PTPRG: variants seen among roughly 807,000 people sequenced by gnomAD.
PTPRG encodes the protein protein tyrosine phosphatase receptor type G, also known as receptor-type tyrosine-protein phosphatase gamma.
Under a neutral mutation model 165.3 loss-of-function variants are expected in PTPRG, and 102 were observed. The observed-to-expected ratio is 0.62, with a 90% confidence interval of 0.53 to 0.73. The LOEUF is 0.73. Ranked by LOEUF, PTPRG falls within the 30% of genes least tolerant of loss-of-function variation. The pLI is 0.00. For missense variants in PTPRG, 1,866 were observed against 1,861.4 expected (o/e 1.00, Z -0.05); for synonymous variants, 675 against 669.5 (o/e 1.01, Z -0.13).
At chr3:61,667,305 A>C (rs947065679) in intron 1 of PTPRG, among the ~76,000 whole-genome samples, 1 of 152,224 alleles carries the variant, frequency 6.6e-6, no homozygotes, top group African/African-American at 2.4e-5. Flanking sequence ...TCTGCTTTTA[A>C]GATGCAAAGG....
chr3:61,907,540 C>T (rs1400842618), intron 2 of PTPRG, among the ~76,000 whole-genome samples: 1 of 152,188 alleles, frequency 6.6e-6, no homozygotes, highest in Non-Finnish European at 1.5e-5. Context: ...GAGCAAAACC[C>T]TGTGCTGAAG....
Position 62,293,786 on chromosome 3 carries a change from T to G in PTPRG, c.*479T>G, listed in dbSNP as rs1702978608. The G allele has an allele frequency of 6.6e-6, 1 of 152,628 alleles. No individual in the cohort carries two copies. Among genetic ancestry groups the G allele is most frequent in the Admixed American group, 6.6e-5 (1 of 15,252 alleles). 9.5% of individuals were successfully genotyped at this position (152,628 alleles called of 1,614,324 possible). On this transcript the variant is annotated 3_prime_UTR_variant, in exon 30 of 30. Coordinates refer to ENST00000474889, the MANE Select transcript of PTPRG (RefSeq NM_002841.4). ...ATACTGTATGCCTTCTGTATTTTAA[T>G]GGAGTGGATAGCATTGTTTTCTTTT...
At chr3:62,120,763 AAAAGATTGGAAGATG>A (rs1287746429) in intron 5 of PTPRG, among the ~76,000 whole-genome samples, 1 of 151,678 alleles carries the variant, frequency 6.6e-6, no homozygotes, top group African/African-American at 2.4e-5. Flanking sequence ...AAAAAAAAGA[AAAAGATTGGAAGATG>A]AAAGATTGGG....
At chr3:61,938,536 C>G (rs931227139) in intron 2 of PTPRG, among the ~76,000 whole-genome samples, 2 of 152,122 alleles carry the variant, frequency 1.3e-5, no homozygotes, top group African/African-American at 2.4e-5. Context: ...GCGTTCAGCC[C>G]TCTATGATGA....
chr3:61,801,306 G>A (rs2035234172), intron 2 of PTPRG, among the ~76,000 whole-genome samples: 1 of 150,788 alleles, frequency 6.6e-6, no homozygotes, highest in Non-Finnish European at 1.5e-5. Flanking sequence ...ATATGTGTGT[G>A]TGTAATTTTT....
chr3:62,095,430 C>T (rs550359262), intron 5 of PTPRG, among the ~76,000 whole-genome samples: 132 of 152,276 alleles, frequency 8.7e-4, no homozygotes, highest in African/African-American at 3.1e-3. Context: ...ACGTACCATC[C>T]TGCGTTCTCA....
At chr3:61,591,261 G>A (rs1291380919) in intron 1 of PTPRG, among the ~76,000 whole-genome samples, 2 of 152,192 alleles carry the variant, frequency 1.3e-5, no homozygotes, top group Admixed American at 6.5e-5. Context: ...CGAGGGTCTT[G>A]GCTAGCCCTC....
intron 2 of PTPRG, among the ~76,000 whole-genome samples, chr3:61,796,738 C>T (rs148983730): frequency 3.3e-5 from 5 of 152,248 alleles, no homozygotes; most frequent in South Asian, 2.1e-4. Context: ...CTACAGAGGT[C>T]GTTTGCCCCT....
chr3:61,928,587 A>T (rs1409409608), intron 2 of PTPRG, among the ~76,000 whole-genome samples: 1 of 152,212 alleles, frequency 6.6e-6, no homozygotes, highest in Non-Finnish European at 1.5e-5. Flanking sequence ...CATTTAAATT[A>T]TAGGATGCTA....
chr3:62,178,440 T>A (rs970131006), intron 8 of PTPRG, among the ~76,000 whole-genome samples: 6 of 152,190 alleles, frequency 3.9e-5, no homozygotes, highest in Non-Finnish European at 8.8e-5. Context: ...TGAAGTAGGA[T>A]GTCATGCCAG....
chr3:61,633,891 C>T (rs1254867162), intron 1 of PTPRG, among the ~76,000 whole-genome samples: 2 of 148,910 alleles, frequency 1.3e-5, no homozygotes, highest in Admixed American at 1.3e-4. Context: ...CCTAGTTTGT[C>T]GAGTGGTTTT....
At chr3:62,020,307 C>G (rs1417223331) in intron 4 of PTPRG, among the ~76,000 whole-genome samples, 1 of 152,098 alleles carries the variant, frequency 6.6e-6, no homozygotes, top group African/African-American at 2.4e-5. Context: ...AATTAACACA[C>G]TTTACTTTAA....
rs138675370 is a variant in PTPRG at position 61,779,603 on chromosome 3, C to T, written c.190+30621C>T. ...AGGCATTTTAGGTAGGCATGTTCCA[C>T]CTCAGAGGGTAGATATCCTACCAAA... is the stretch of plus-strand genomic sequence containing the variant. On this transcript the variant is annotated intron_variant, in intron 2 of 29. Coordinates refer to ENST00000474889, the MANE Select transcript of PTPRG (RefSeq NM_002841.4). Among the ~76,000 whole-genome samples the T allele has an allele frequency of 2.6e-3, 397 of 152,248 alleles. 1 individual carries two copies. The highest frequency in any genetic ancestry group is 9.2e-3 in the African/African-American group (380 of 41,528).
At chr3:61,585,280 CAAAAAAA>C (rs3039784) in intron 1 of PTPRG, among the ~76,000 whole-genome samples, 8 of 81,346 alleles carry the variant, frequency 9.8e-5, no homozygotes, top group East Asian at 3.6e-4. Flanking sequence ...GACCCTGTCT[CAAAAAAA>C]AAAAAAAAAA....
intron 2 of PTPRG, among the ~76,000 whole-genome samples, chr3:61,936,175 G>A (rs528239376): frequency 1.5e-4 from 23 of 152,270 alleles, no homozygotes; most frequent in African/African-American, 5.1e-4. Context: ...GACTTTGGAC[G>A]TCCCATCTTC....
rs1048212754 is a variant in PTPRG at position 61,918,302 on chromosome 3, A to G, written c.191-71323A>G. Among the ~76,000 whole-genome samples the G allele has an allele frequency of 3.9e-5, 6 of 152,220 alleles. No individual in the cohort carries two copies. The South Asian group carries it at 1.2e-3, about 31-fold the overall frequency. ...GAATTAAGTACAAGTTGTTCCTAAC[A>G]CATTTATACTCATCAGGCTTATAAA... On this transcript the variant is annotated intron_variant, in intron 2 of 29. Transcript: ENST00000474889.
At chr3:62,278,839 C>T (rs1435598062) in intron 26 of PTPRG, among the ~76,000 whole-genome samples, 3 of 152,008 alleles carry the variant, frequency 2.0e-5, no homozygotes, top group Non-Finnish European at 2.9e-5. Flanking sequence ...AAATTGGAGG[C>T]ACTTAGGGTT....
chr3:61,697,126 CCACTCT>C (rs1353305129), intron 1 of PTPRG, among the ~76,000 whole-genome samples: 3 of 152,186 alleles, frequency 2.0e-5, no homozygotes, highest in African/African-American at 7.2e-5. Flanking sequence ...CCTAGGAGGG[CCACTCT>C]CTGGCTTTCT....
chr3:62,147,322 T>C (rs1353497699), intron 6 of PTPRG, among the ~76,000 whole-genome samples: 1 of 151,876 alleles, frequency 6.6e-6, no homozygotes, highest in Non-Finnish European at 1.5e-5. Flanking sequence ...CAGATGAGAG[T>C]CAATGCTGCT....
Sources: gnomAD v4.1 joint callset for allele counts (sites outside exome capture counted in the v4.1 genomes callset) on GRCh38, gnomAD v4.1.1 for gene constraint, MANE v1.5 for transcripts, NCBI Gene and HGNC (gene_info 2026-07-23, HGNC 2026-07-21) for gene names.